Variants in PCDHGB5 observed in about 807,000 individuals in gnomAD.
The protein encoded by PCDHGB5 is protocadherin gamma-B5.
PCDHGB5 carries 48 observed loss-of-function variants against 62.9 expected under a neutral mutation model. The observed-to-expected ratio is 0.76, with a 90% confidence interval of 0.61 to 0.97. The LOEUF is 0.97. Ranked by LOEUF, PCDHGB5 falls within the 50% of genes least tolerant of loss-of-function variation. The probability of loss-of-function intolerance (pLI) is 0.00; values close to 1 mark genes in which losing one functional copy is unlikely to be tolerated. For synonymous variants in PCDHGB5, 474 were observed against 511.2 expected, an observed-to-expected ratio of 0.93 and a Z score of 0.98; for missense variants, 1,118 against 1,198.6, an observed-to-expected ratio of 0.93 and a Z score of 0.99.
At position 141,491,623 on chromosome 5, in the gene PCDHGB5, G is replaced by A. The variant is rs767724749; in HGVS notation, c.2398-3184G>A. The A allele has an allele frequency of 3.7e-6, 6 of 1,613,812 alleles. No homozygotes were observed. The highest frequency in any genetic ancestry group is 2.7e-5 in the African/African-American group (2 of 74,938). On this transcript the variant is annotated intron_variant, in intron 1 of 3. Transcript: ENST00000617380. This position sits in a 1 kb window ranked among gnomAD's most constrained non-coding sequence, Gnocchi z 6.9. ...CTTCACTTTTCTAAGACCCCTCAGC[G>A]TTCAGCAGCCCACAGCTCTGGCGCT...
chr5:141,443,226 A>T (rs2098374954), intron 1 of PCDHGB5, among the ~76,000 whole-genome samples: 1 of 152,042 alleles, frequency 6.6e-6, no homozygotes, highest in Non-Finnish European at 1.5e-5. Flanking sequence ...CGCATCTATA[A>T]TCTTAGCACT....
intron 1 of PCDHGB5, among the ~76,000 whole-genome samples, chr5:141,425,691 T>C (rs1411905655): frequency 6.6e-6 from 1 of 152,238 alleles, no homozygotes. Context: ...TGCATATCAT[T>C]TCATAGTGGT....
chr5:141,418,693 T>G, intron 1 of PCDHGB5: 1 of 1,614,040 alleles, frequency 6.2e-7, no homozygotes, highest in Admixed American at 1.7e-5. Flanking sequence ...CAGAGATCAC[T>G]TATTCCTTCT....
At chr5:141,466,827 T>C (rs1414741980) in intron 1 of PCDHGB5, among the ~76,000 whole-genome samples, 1 of 152,194 alleles carries the variant, frequency 6.6e-6, no homozygotes, top group Admixed American at 6.5e-5. Context: ...AACAAGTTAG[T>C]ATGGGTTTAT....
chr5:141,490,833 G>C lies in PCDHGB5; in HGVS notation c.2398-3974G>C, dbSNP rs781529579. ...ACTATGAATTGCTGCAGATGCTGCA[G>C]ATTGTGGTGGGGGTTCGAGACTCCG... On this transcript the variant is annotated intron_variant, in intron 1 of 3. Coordinates refer to ENST00000617380, the MANE Select transcript of PCDHGB5 (RefSeq NM_018925.3). This position sits in a 1 kb window ranked among gnomAD's most constrained non-coding sequence, Gnocchi z 5.4. The C allele has an allele frequency of 6.2e-7, 1 of 1,613,932 alleles. No homozygotes were observed. Among genetic ancestry groups the C allele is most frequent in the East Asian group, 2.2e-5 (1 of 44,884 alleles).
rs775153988 is a variant in PCDHGB5 at position 141,485,268 on chromosome 5, G to A, written c.2398-9539G>A. On this transcript the variant is annotated intron_variant, in intron 1 of 3. Coordinates refer to ENST00000617380, the MANE Select transcript of PCDHGB5 (RefSeq NM_018925.3). This position sits in a 1 kb window ranked among gnomAD's most constrained non-coding sequence, Gnocchi z 5.7. ...CTGGGTTACGTTTGTGGGCAGATCC[G>A]CTACCCGGTCCCAGAGGAGTCACAG... 6.2e-7 allele frequency: 1 copy of A among 1,614,100 alleles called. No homozygotes were observed. Among genetic ancestry groups the A allele is most frequent in the Non-Finnish European group, 8.5e-7 (1 of 1,179,936 alleles).
intron 1 of PCDHGB5, among the ~76,000 whole-genome samples, chr5:141,451,364 C>T (rs970149151): frequency 3.9e-5 from 6 of 152,078 alleles, no homozygotes; most frequent in Middle Eastern, 3.2e-3. Context: ...AGGATGGATC[C>T]GCTTCTAATC....
chr5:141,448,543 G>C (rs1001667281), intron 1 of PCDHGB5, among the ~76,000 whole-genome samples: 3 of 151,988 alleles, frequency 2.0e-5, no homozygotes, highest in Admixed American at 6.6e-5. Context: ...CATTTCTTAT[G>C]CAAATATGTA....
chr5:141,400,717 G>C (rs2094065619), intron 1 of PCDHGB5, 193 bp downstream of exon 1: 1 of 672,320 alleles, frequency 1.5e-6, no homozygotes. Context: ...TAGCCTTATA[G>C]ATTTACAAAG....
chr5:141,443,974 G>A (rs775899117), intron 1 of PCDHGB5, among the ~76,000 whole-genome samples: 5 of 152,066 alleles, frequency 3.3e-5, no homozygotes, highest in Non-Finnish European at 7.4e-5. Context: ...GTCCATCTAA[G>A]CTATGTTAAT....
In PCDHGB5 at chr5:141,462,600, A is replaced by G. The variant is rs2154567827; in HGVS notation, c.2398-32207A>G. ...ATCCAGTGAAGTTTCCATTTCATAT[A>G]TTGTATTTTTCACTTTTAGAAGTTC... is the stretch of plus-strand genomic sequence containing the variant. On this transcript the variant is annotated intron_variant, in intron 1 of 3. Coordinates refer to ENST00000617380, the MANE Select transcript of PCDHGB5 (RefSeq NM_018925.3). Among the ~76,000 whole-genome samples, 6 of 152,076 alleles carry G rather than the reference A, an allele frequency of 3.9e-5. No homozygotes were observed. In the Middle Eastern group the frequency reaches 0.014, roughly 345 times the overall value.
intron 1 of PCDHGB5, among the ~76,000 whole-genome samples, chr5:141,472,026 G>C (rs2099269805): frequency 6.6e-6 from 1 of 152,108 alleles, no homozygotes; most frequent in Non-Finnish European, 1.5e-5. Context: ...ATTGTATGTA[G>C]AAAGCTGTGA....
rs1345800081 is a variant in PCDHGB5, at chr5:141,485,453, G to A, written c.2398-9354G>A. 1 of 1,614,176 alleles carries A rather than the reference G, an allele frequency of 6.2e-7. No homozygotes were observed. The highest frequency in any genetic ancestry group is 8.5e-7 in the Non-Finnish European group (1 of 1,180,036). On this transcript the variant is annotated intron_variant, in intron 1 of 3. Transcript: ENST00000617380. The surrounding 1 kb of genome is among the most constrained non-coding windows in gnomAD (Gnocchi z 5.7). ...CATCAAGAACCCAATCGACCGAGAG[G>A]CACTGTGTGGGCTCAGTGCCAGCTG...
rs1316659737 is a variant in PCDHGB5 at position 141,490,964 on chromosome 5, C to T, written c.2398-3843C>T. ...CCACGGCCAGACTGGGAACACTCAG[C>T]CCCCCAGCGTCTCCCTCGCTCTGCT... On this transcript the variant is annotated intron_variant, in intron 1 of 3. Transcript: ENST00000617380. The surrounding 1 kb of genome is among the most constrained non-coding windows in gnomAD (Gnocchi z 5.4). 2.5e-6 allele frequency: 4 copies of T among 1,613,608 alleles called. No homozygotes were observed. Among genetic ancestry groups the T allele is most frequent in the East Asian group, 2.2e-5 (1 of 44,882 alleles).
At chr5:141,495,020 C>G in intron 2 of PCDHGB5, 155 bp downstream of exon 2, 1 of 976,790 alleles carries the variant, frequency 1.0e-6, no homozygotes, top group Non-Finnish European at 1.2e-6. Context: ...GGCTGGCACA[C>G]AGACCCCGGA....
chr5:141,430,458 A>G, intron 1 of PCDHGB5: 1 of 204,230 alleles, frequency 4.9e-6, no homozygotes, highest in Non-Finnish European at 9.7e-6. Context: ...GAAGAACAGT[A>G]GGTGGAGCTA....
chr5:141,424,100 G>A (rs1362239131), intron 1 of PCDHGB5: 1 of 832,456 alleles, frequency 1.2e-6, no homozygotes, highest in East Asian at 1.2e-4. Flanking sequence ...TGCTATTACT[G>A]CTAATGTTCA....
At chr5:141,413,488 C>G in intron 1 of PCDHGB5, 1 of 1,613,986 alleles carries the variant, frequency 6.2e-7, no homozygotes, top group Non-Finnish European at 8.5e-7. Context: ...TCAGAGCGCG[C>G]GGTGCGTGGT....
Position 141,491,244 on chromosome 5 carries a change from T to A in PCDHGB5, c.2398-3563T>A. 1 of 1,614,210 alleles carries A rather than the reference T, an allele frequency of 6.2e-7. No individual in the cohort carries two copies. Among genetic ancestry groups the A allele is most frequent in the Non-Finnish European group, 8.5e-7 (1 of 1,180,024 alleles). On this transcript the variant is annotated intron_variant, in intron 1 of 3. Coordinates refer to ENST00000617380, the MANE Select transcript of PCDHGB5 (RefSeq NM_018925.3). This position sits in a 1 kb window ranked among gnomAD's most constrained non-coding sequence, Gnocchi z 6.9. ...CCACAGTGCTGCTGGTTCTGGAGGA[T>A]GAGGACCCTGAGGAAATGCCCAAAT...
Sources: gnomAD v4.1 joint callset for allele counts (sites outside exome capture counted in the v4.1 genomes callset) on GRCh38, gnomAD v4.1.1 for gene constraint, Gnocchi (gnomAD v3.1) non-coding constraint, MANE v1.5 for transcripts, NCBI Gene and HGNC (gene_info 2026-07-23, HGNC 2026-07-21) for gene names.